MGA: variants seen among roughly 807,000 people sequenced by gnomAD.
The protein encoded by MGA is MAX dimerization protein MGA, also known as MAX gene-associated protein.
Under a neutral mutation model 261.1 loss-of-function variants are expected in MGA, and 40 were observed. That is an observed-to-expected ratio of 0.15 (90% CI 0.12 to 0.20). The LOEUF is 0.20. Among genes scored for constraint, MGA ranks in the 10% least tolerant of loss-of-function variants. MGA has a pLI of 1.00. For synonymous variants in MGA, 1,302 were observed against 1,290.6 expected, an observed-to-expected ratio of 1.01 and a Z score of -0.19; for missense variants, 3,397 against 3,630.5, an observed-to-expected ratio of 0.94 and a Z score of 1.65.
chr15:41,680,825 A>G (rs192807251), intron 2 of MGA, among the ~76,000 whole-genome samples: 8 of 152,310 alleles, frequency 5.3e-5, no homozygotes, highest in Admixed American at 1.3e-4. Flanking sequence ...GGTTCATTAC[A>G]TAGGGGTAAT....
At chr15:41,744,656 GATCATGTCTTCTAAA>G (rs2062334059) in intron 15 of MGA, among the ~76,000 whole-genome samples, 1 of 152,124 alleles carries the variant, frequency 6.6e-6, no homozygotes, top group South Asian at 2.1e-4. Context: ...TATTTTAACA[GATCATGTCTTCTAAA>G]CCATATGGAT....
At chr15:41,637,155 A>G (rs1286808971) in intron 1 of MGA, among the ~76,000 whole-genome samples, 1 of 152,202 alleles carries the variant, frequency 6.6e-6, no homozygotes, top group Non-Finnish European at 1.5e-5. Flanking sequence ...AGATTGAGGA[A>G]GCCTGAGATT....
chr15:41,753,482 T>C (rs1809337581), intron 17 of MGA, among the ~76,000 whole-genome samples: 2 of 152,052 alleles, frequency 1.3e-5, no homozygotes. Flanking sequence ...ATAACTCTAG[T>C]GTTACATAAA....
chr15:41,624,542 C>T (rs1286546824), intron 1 of MGA, among the ~76,000 whole-genome samples: 1 of 152,134 alleles, frequency 6.6e-6, no homozygotes, highest in South Asian at 2.1e-4. Context: ...ACTATATTGG[C>T]CAGGCTGGTC....
chr15:41,692,235 G>C lies in MGA; in HGVS notation c.1065-3840G>C, dbSNP rs533902243. 4.6e-5 allele frequency among the ~76,000 whole-genome samples: 7 copies of C among 152,210 alleles called. No homozygotes were observed. In the South Asian group the frequency reaches 1.0e-3, roughly 23 times the overall value. ...GAGGAGTGGTTGGTCTCCTATCCCT[G>C]GCAGGACCTTAGGACCTAAGCATTG... is the stretch of plus-strand genomic sequence containing the variant. On this transcript the variant is annotated intron_variant, in intron 2 of 23. Coordinates refer to ENST00000219905, the MANE Select transcript of MGA (RefSeq NM_001164273.2).
intron 5 of MGA, among the ~76,000 whole-genome samples, chr15:41,699,938 T>A (rs186440824): frequency 8.2e-4 from 125 of 152,092 alleles, no homozygotes; most frequent in Middle Eastern, 3.4e-3. Flanking sequence ...CTTTTTTTTT[T>A]AAAATTTTAC....
Position 41,749,137 on chromosome 15 carries a change from G to C in MGA, c.5530G>C (p.Ala1844Pro). The stretch of plus-strand genomic sequence containing the variant: ...GTCTGTGATGGGAATCCGGTTACCT[G>C]CTCCTTCCAAACCCTCTGAGACTCC... The change falls in exon 17 of 24, where the codon GCT (alanine) becomes CCT (proline). Residue 1844 changes from alanine (A) to proline (P), a missense_variant. Coordinates refer to ENST00000219905, the MANE Select transcript of MGA (RefSeq NM_001164273.2). 6.2e-7 allele frequency: 1 copy of C among 1,613,468 alleles called. No homozygotes were observed. The highest frequency in any genetic ancestry group is 1.1e-5 in the South Asian group (1 of 91,070).
intron 2 of MGA, among the ~76,000 whole-genome samples, chr15:41,689,117 A>C (rs2059125074): frequency 6.6e-6 from 1 of 152,202 alleles, no homozygotes; most frequent in Admixed American, 6.5e-5. Context: ...TACAATGTGC[A>C]TCCTTAATTT....
intron 1 of MGA, among the ~76,000 whole-genome samples, chr15:41,632,471 C>T (rs568811325): frequency 1.3e-5 from 2 of 152,320 alleles, no homozygotes; most frequent in African/African-American, 4.8e-5. Flanking sequence ...ATGACCAGAA[C>T]TTGAATGCTG....
intron 9 of MGA, among the ~76,000 whole-genome samples, chr15:41,720,214 A>G (rs555702091): frequency 6.6e-6 from 1 of 152,336 alleles, no homozygotes. Flanking sequence ...GGCTTGTCAT[A>G]AAATGAATAG....
In MGA at chr15:41,711,101, A is replaced by G; in HGVS notation, c.2836A>G (p.Ile946Val). ...GGTTACCAAGAATTCTTCAGGCATCATCTCAGAAAATCAGGCGAATAACTT... is the reference window on the plus strand; with the variant it reads ...GGTTACCAAGAATTCTTCAGGCATCGTCTCAGAAAATCAGGCGAATAACTT... Residue 946 changes from isoleucine (I) to valine (V), a missense_variant, in exon 8 of 24, where the codon ATC (isoleucine) becomes GTC (valine). This residue lies in a region of MGA where 519 missense variants were observed against 554.1 expected (regional missense o/e 0.94). Coordinates refer to ENST00000219905, the MANE Select transcript of MGA (RefSeq NM_001164273.2). 6.2e-7 allele frequency: 1 copy of G among 1,614,052 alleles called. No individual in the cohort carries two copies. The highest frequency in any genetic ancestry group is 1.7e-5 in the Admixed American group (1 of 60,026).
chr15:41,696,274 A>G lies in MGA; in HGVS notation c.1264A>G (p.Ile422Val), dbSNP rs775952076. ...ATACTCAAACAGTGATGATGATCCT[A>G]TACTAGAGAAACAGCTAAAGAGGCA... Residue 422 changes from isoleucine to valine, a missense_variant, in exon 3 of 24, where the codon ATA becomes GTA. This residue lies in a region of MGA where 563 missense variants were observed against 563.6 expected (regional missense o/e 1.00). Coordinates refer to ENST00000219905, the MANE Select transcript of MGA (RefSeq NM_001164273.2). 3.1e-6 allele frequency: 5 copies of G among 1,613,844 alleles called. No homozygotes were observed. The highest frequency in any genetic ancestry group is 1.3e-5 in the African/African-American group (1 of 74,930).
upstream of MGA, chr15:41,660,402 G>C (rs1419243373): frequency 6.6e-6 from 1 of 152,618 alleles, no homozygotes; most frequent in Non-Finnish European, 1.5e-5. Flanking sequence ...CGGTGACGTG[G>C]ACGTCCGGTG....
chr15:41,670,070 C>T (rs2057958610), intron 2 of MGA, 112 bp downstream of exon 2: 1 of 867,238 alleles, frequency 1.2e-6, no homozygotes, highest in African/African-American at 1.7e-5. Flanking sequence ...AAATGTAAGC[C>T]ACTATAAAAT....
At chr15:41,651,486 C>G (rs1167051822) in intron 1 of MGA, among the ~76,000 whole-genome samples, 2 of 151,930 alleles carry the variant, frequency 1.3e-5, no homozygotes, top group Non-Finnish European at 2.9e-5. Flanking sequence ...GAAAAGTCTC[C>G]TCTTCTTCGT....
intron 1 of MGA, among the ~76,000 whole-genome samples, chr15:41,665,612 C>T (rs1348661722): frequency 1.3e-5 from 2 of 152,184 alleles, no homozygotes; most frequent in Non-Finnish European, 2.9e-5. Flanking sequence ...AAGCGATCCT[C>T]CTGCCTCAGC....
rs371926887 is a variant in MGA at position 41,766,437 on chromosome 15, C to T, written c.8355C>T (p.Asp2785=). The T allele has an allele frequency of 4.3e-6, 7 of 1,613,754 alleles. No homozygotes were observed. The highest frequency in any genetic ancestry group is 1.3e-5 in the African/African-American group (1 of 74,898). ...AATTAAAGATGAAAGATCTCAAGGA[C>T]TCAAGCATAGAGATGGAACTGAGGA... The change falls in exon 24 of 24, where the codon GAC becomes GAT. Residue 2785 remains aspartate (D), a synonymous_variant. Transcript: ENST00000219905.
chr15:41,672,961 T>G (rs912765986), intron 2 of MGA, among the ~76,000 whole-genome samples: 2 of 152,218 alleles, frequency 1.3e-5, no homozygotes, highest in Admixed American at 6.5e-5. Context: ...GCTAATGTTA[T>G]TGGTAAACAC....
intron 2 of MGA, among the ~76,000 whole-genome samples, chr15:41,695,584 T>C (rs2059515904): frequency 6.6e-6 from 1 of 152,186 alleles, no homozygotes; most frequent in Non-Finnish European, 1.5e-5. Flanking sequence ...GTTTATGTTG[T>C]TTTTGGATGA....
Sources: allele counts gnomAD v4.1 joint callset (sites outside exome capture counted in the v4.1 genomes callset), GRCh38; gene constraint gnomAD v4.1.1; regional missense constraint gnomAD v4.1.1; transcripts MANE v1.5; gene names NCBI Gene and HGNC (gene_info 2026-07-23, HGNC 2026-07-21).